Variants in LARP1B observed in about 807,000 individuals in gnomAD.
LARP1B encodes La ribonucleoprotein 1B.
In LARP1B, 76 loss-of-function variants were observed where a neutral mutation model predicts 114.2. The ratio of observed to expected loss-of-function variants is 0.67; its 90% confidence interval spans 0.55 to 0.81. LARP1B has a LOEUF of 0.81. LARP1B is among the 30% of genes least tolerant of loss of function. The pLI, the probability that LARP1B is intolerant of heterozygous loss-of-function variation, is 0.00. For synonymous variants in LARP1B, 345 were observed against 348.0 expected (o/e 0.99, Z 0.10); for missense variants, 1,014 against 1,075.8 (o/e 0.94, Z 0.80).
At chr4:128,170,165 G>A (rs1250331610) in intron 12 of LARP1B, among the ~76,000 whole-genome samples, 1 of 151,798 alleles carries the variant, frequency 6.6e-6, no homozygotes, top group Admixed American at 6.6e-5. Context: ...TTATATTATA[G>A]CCAGAGAACA....
intron 12 of LARP1B, among the ~76,000 whole-genome samples, chr4:128,166,546 T>C (rs1160558745): frequency 1.3e-5 from 2 of 151,878 alleles, no homozygotes; most frequent in Non-Finnish European, 2.9e-5. Flanking sequence ...CAAATGAACA[T>C]ATTCATTATC....
At chr4:128,117,320 C>T (rs1470311813) in intron 10 of LARP1B, among the ~76,000 whole-genome samples, 2 of 151,984 alleles carry the variant, frequency 1.3e-5, no homozygotes, top group Non-Finnish European at 2.9e-5. Flanking sequence ...AGAGATTCTC[C>T]TGCCTCAGAT....
chr4:128,141,281 T>C (rs568192708), intron 11 of LARP1B, among the ~76,000 whole-genome samples: 1 of 152,270 alleles, frequency 6.6e-6, no homozygotes, highest in East Asian at 1.9e-4. Context: ...ATTGGTATCA[T>C]TGGCTAGCGT....
At chr4:128,066,937 A>G (rs1763187791) in intron 1 of LARP1B, among the ~76,000 whole-genome samples, 1 of 151,542 alleles carries the variant, frequency 6.6e-6, no homozygotes, top group South Asian at 2.1e-4. Context: ...AGCTGGGACT[A>G]CAGGCGCGCG....
rs778840736 is a variant in LARP1B at position 128,178,549 on chromosome 4, A to C, written c.1803A>C (p.Thr601=). 12 of 1,613,990 alleles carry C rather than the reference A, an allele frequency of 7.4e-6. No homozygotes were observed. Among genetic ancestry groups the C allele is most frequent in the Non-Finnish European group, 1.0e-5 (12 of 1,180,002 alleles). The change falls in exon 14 of 20, where the codon ACA becomes ACC. Residue 601 remains threonine, a synonymous_variant. Transcript: ENST00000326639. Reference sequence around the variant, plus strand: ...CTCCTAGAATTCATCCTACAAGAACACCCAAAACACCTCGAACACCTAGGT... The same window carrying C: ...CTCCTAGAATTCATCCTACAAGAACCCCCAAAACACCTCGAACACCTAGGT... ...PESPRIHPTR[T]PKTPRTPRLQ...
At chr4:128,222,046 A>T (rs1018319919) in intron 7 of LARP1B, among the ~76,000 whole-genome samples, 1 of 152,208 alleles carries the variant, frequency 6.6e-6, no homozygotes, top group African/African-American at 2.4e-5. Context: ...TGTGAATATA[A>T]TTTTAAATTT....
rs561180415 is a variant in LARP1B, at chr4:128,142,842, C to T, written c.1525-19352C>T. 1.7e-3 allele frequency among the ~76,000 whole-genome samples: 257 copies of T among 151,928 alleles called. 1 individual carries two copies. The highest frequency in any genetic ancestry group is 3.0e-3 in the Non-Finnish European group (203 of 67,956). ...TATTTCAAAATACAAAATTCTTTTA[C>T]ACTCTTCCTAACACCTTACTCTGAA... On this transcript the variant is annotated intron_variant, in intron 11 of 19. Transcript: ENST00000326639.
intron 15 of LARP1B, among the ~76,000 whole-genome samples, chr4:128,196,248 C>CAAAAAAAAAAAAAAAAAAAAAA (rs35423896): frequency 1.1e-5 from 1 of 88,612 alleles, no homozygotes; most frequent in Non-Finnish European, 2.2e-5. Flanking sequence ...GAGAGTCTGT[C>CAAAAAAAAAAAAAAAAAAAAAA]AAAAAAAAAA....
At chr4:128,122,370 A>G (rs1788220106) in intron 11 of LARP1B, 182 bp downstream of exon 11, 1 of 1,461,964 alleles carries the variant, frequency 6.8e-7, no homozygotes, top group Non-Finnish European at 9.0e-7. Flanking sequence ...GTTTTATTTT[A>G]TGAAAGTAAC....
chr4:128,068,226 C>T (rs1036580440), intron 1 of LARP1B, among the ~76,000 whole-genome samples: 5 of 151,946 alleles, frequency 3.3e-5, no homozygotes, highest in Admixed American at 3.3e-4. Flanking sequence ...CCATGTTGGC[C>T]AGGCTGATCT....
At chr4:128,220,042 C>A (rs545378219) in intron 6 of LARP1B, among the ~76,000 whole-genome samples, 1 of 152,008 alleles carries the variant, frequency 6.6e-6, no homozygotes, top group Non-Finnish European at 1.5e-5. Context: ...TGTGCCACCA[C>A]GCCCGGCTAA....
At chr4:128,061,913 A>T (rs1579555345) in intron 1 of LARP1B, 4 of 985,208 alleles carry the variant, frequency 4.1e-6, no homozygotes, top group African/African-American at 1.7e-5. Context: ...GCTGGGACGC[A>T]GCGTGCCCCA....
chr4:128,064,830 T>A (rs1761776770), intron 1 of LARP1B, among the ~76,000 whole-genome samples: 2 of 152,104 alleles, frequency 1.3e-5, no homozygotes. Context: ...CCCAGGAGTT[T>A]GAGGCTGTAG....
At chr4:128,156,173 C>G in intron 11 of LARP1B, 2 of 1,610,178 alleles carry the variant, frequency 1.2e-6, no homozygotes, top group Admixed American at 1.7e-5. Flanking sequence ...TCCTCTGACC[C>G]CCTTGGCTCT....
At chr4:128,155,174 A>C (rs1421990267) in intron 11 of LARP1B, among the ~76,000 whole-genome samples, 3 of 152,238 alleles carry the variant, frequency 2.0e-5, no homozygotes, top group African/African-American at 4.8e-5. Flanking sequence ...CAACAAAAAC[A>C]AAAACCAAAA....
chr4:128,186,190 A>AT (rs921553271), intron 15 of LARP1B, among the ~76,000 whole-genome samples: 13 of 137,226 alleles, frequency 9.5e-5, no homozygotes, highest in African/African-American at 1.3e-4. Context: ...AAATTTTAGG[A>AT]TTTTTTTTCT....
At chr4:128,168,205 C>T (rs555079829) in intron 12 of LARP1B, among the ~76,000 whole-genome samples, 127 of 151,884 alleles carry the variant, frequency 8.4e-4, no homozygotes, top group Middle Eastern at 3.4e-3. Context: ...GTGGTTGTGC[C>T]ATTTTACGTT....
chr4:128,165,282 TATTA>T (rs1347402070), intron 12 of LARP1B, among the ~76,000 whole-genome samples: 1 of 151,682 alleles, frequency 6.6e-6, no homozygotes, highest in African/African-American at 2.4e-5. Context: ...TATATAAATT[TATTA>T]ATTTTTATTT....
At chr4:128,088,585 C>T (rs185002608) in intron 5 of LARP1B, among the ~76,000 whole-genome samples, 6 of 152,118 alleles carry the variant, frequency 3.9e-5, no homozygotes, top group African/African-American at 1.4e-4. Flanking sequence ...TGCATGTTTT[C>T]CAGCACACAA....
Sources: allele counts gnomAD v4.1 joint callset (sites outside exome capture counted in the v4.1 genomes callset), GRCh38; gene constraint gnomAD v4.1.1; transcripts MANE v1.5; gene names NCBI Gene and HGNC (gene_info 2026-07-23, HGNC 2026-07-21).